The following PAK2 variants were observed in gnomAD, a reference collection of about 807,000 sequenced individuals.
PAK2 encodes the protein serine/threonine-protein kinase PAK 2.
PAK2 carries 21 observed loss-of-function variants against 65.9 expected under a neutral mutation model. That is an observed-to-expected ratio of 0.32 (90% CI 0.23 to 0.46). The LOEUF (loss-of-function observed/expected upper bound fraction) is 0.46, where lower values mean the gene tolerates loss of function less well. Ranked by LOEUF, PAK2 falls within the 20% of genes least tolerant of loss-of-function variation. PAK2 has a pLI of 1.00. For missense variants in PAK2, 324 were observed against 642.6 expected (o/e 0.50, Z 5.36); for synonymous variants, 204 against 219.7 (o/e 0.93, Z 0.63).
chr3:196,775,973 C>T (rs1409020480), intron 1 of PAK2, among the ~76,000 whole-genome samples: 1 of 152,150 alleles, frequency 6.6e-6, no homozygotes, highest in Non-Finnish European at 1.5e-5. Context: ...AAATATGAGT[C>T]TTCTGCCACC....
At position 196,813,245 on chromosome 3, in the gene PAK2, C is replaced by T. The variant is rs1715884427; in HGVS notation, c.935+394C>T. ...GACAAATTTATATGTCTATCAAAAC[C>T]TCATTTAGTTGAGGAATTAATGTTA... On this transcript the variant is annotated intron_variant, in intron 10 of 14. Coordinates refer to ENST00000327134, the MANE Select transcript of PAK2 (RefSeq NM_002577.4). Among the ~76,000 whole-genome samples, 2 of 151,882 alleles carry T rather than the reference C, an allele frequency of 1.3e-5. 1 individual carries two copies. Among genetic ancestry groups the T allele is most frequent in the Middle Eastern group, 6.3e-3 (2 of 316 alleles).
At chr3:196,748,980 C>G (rs1015444203) in intron 1 of PAK2, among the ~76,000 whole-genome samples, 14 of 152,078 alleles carry the variant, frequency 9.2e-5, no homozygotes, top group Admixed American at 4.6e-4. Context: ...TTTGGCTACT[C>G]TTATGTACCT....
At chr3:196,806,351 T>C (rs890797846) in intron 5 of PAK2, among the ~76,000 whole-genome samples, 2 of 152,190 alleles carry the variant, frequency 1.3e-5, no homozygotes, top group African/African-American at 4.8e-5. Context: ...TATTAAAATA[T>C]TTGGTACTCA....
At chr3:196,809,054 T>C (rs1715686861) in intron 7 of PAK2, among the ~76,000 whole-genome samples, 1 of 149,846 alleles carries the variant, frequency 6.7e-6, no homozygotes, top group South Asian at 2.1e-4. Flanking sequence ...CTATACAACT[T>C]AGACCCCGAC....
At chr3:196,766,928 C>T (rs1216706665) in intron 1 of PAK2, among the ~76,000 whole-genome samples, 1 of 104,602 alleles carries the variant, frequency 9.6e-6, no homozygotes, top group Non-Finnish European at 2.0e-5. Context: ...AACAAGTACA[C>T]CCCGTGTGTG....
chr3:196,750,003 T>TTTG (rs1324918758), intron 1 of PAK2, among the ~76,000 whole-genome samples: 1 of 151,586 alleles, frequency 6.6e-6, no homozygotes, highest in Non-Finnish European at 1.5e-5. Context: ...TTTTTTTTTT[T>TTTG]GAAACAGAGT....
intron 1 of PAK2, among the ~76,000 whole-genome samples, chr3:196,762,244 C>G (rs1714001859): frequency 9.1e-6 from 1 of 110,148 alleles, no homozygotes; most frequent in Non-Finnish European, 2.1e-5. Flanking sequence ...CTCCTCACAT[C>G]CCAGACGATG....
chr3:196,775,250 A>T (rs182159341), intron 1 of PAK2, among the ~76,000 whole-genome samples: 5 of 152,364 alleles, frequency 3.3e-5, no homozygotes, highest in Admixed American at 6.5e-5. Flanking sequence ...CTCATTCAGC[A>T]TGATAGTGTG....
intron 1 of PAK2, among the ~76,000 whole-genome samples, chr3:196,758,720 G>A (rs1713846431): frequency 1.3e-5 from 2 of 152,132 alleles, no homozygotes; most frequent in African/African-American, 2.4e-5. Context: ...ACCCTGGCAT[G>A]ATCTCAGCTC....
intron 1 of PAK2, among the ~76,000 whole-genome samples, chr3:196,743,113 C>G (rs1394815469): frequency 1.3e-5 from 2 of 152,034 alleles, no homozygotes; most frequent in African/African-American, 2.4e-5. Context: ...GAAAAAAATC[C>G]CTCATTGCCC....
intron 2 of PAK2, among the ~76,000 whole-genome samples, chr3:196,789,665 A>C (rs1405859344): frequency 1.3e-5 from 2 of 151,966 alleles, no homozygotes; most frequent in Non-Finnish European, 2.9e-5. Context: ...GGGTTTCACC[A>C]TGTTGACCAG....
chr3:196,825,550 G>C (rs935185346), intron 13 of PAK2, among the ~76,000 whole-genome samples: 1 of 151,554 alleles, frequency 6.6e-6, no homozygotes, highest in African/African-American at 2.4e-5. Flanking sequence ...GGCTGAGGCA[G>C]GAGAATCGCT....
intron 8 of PAK2, among the ~76,000 whole-genome samples, chr3:196,811,338 T>C (rs1366992461): frequency 3.3e-5 from 4 of 121,468 alleles, no homozygotes; most frequent in Admixed American, 8.8e-5. Flanking sequence ...CTTCCCTCCC[T>C]TCCCTCCCTT....
At chr3:196,810,209 A>T (rs1403418546) in intron 7 of PAK2, among the ~76,000 whole-genome samples, 1 of 151,892 alleles carries the variant, frequency 6.6e-6, no homozygotes, top group African/African-American at 2.4e-5. Context: ...AAATATGTCT[A>T]TTTTCTTGAG....
chr3:196,793,997 G>A (rs1715163180), intron 2 of PAK2, among the ~76,000 whole-genome samples: 1 of 152,024 alleles, frequency 6.6e-6, no homozygotes, highest in South Asian at 2.1e-4. Context: ...TGGGCTCGGT[G>A]GCGTACACCT....
intron 1 of PAK2, among the ~76,000 whole-genome samples, chr3:196,774,411 TG>T (rs1200867998): frequency 6.6e-6 from 1 of 152,210 alleles, no homozygotes; most frequent in African/African-American, 2.4e-5. Context: ...CGTGTGAATT[TG>T]TTTTCCTGTG....
At chr3:196,759,522 TTTTTTTTTTTTTTTTG>T (rs1713890370) in intron 1 of PAK2, among the ~76,000 whole-genome samples, 2 of 116,444 alleles carry the variant, frequency 1.7e-5, no homozygotes, top group South Asian at 2.8e-4. Flanking sequence ...TTTTTTTTTT[TTTTTTTTTTTTTTTTG>T]AGATAGAGTC....
chr3:196,831,997 A>C lies in PAK2; in HGVS notation c.*3592A>C, dbSNP rs568871287. The C allele has an allele frequency of 6.6e-6, 1 of 152,252 alleles. No homozygotes were observed. Among genetic ancestry groups the C allele is most frequent in the Admixed American group, 6.5e-5 (1 of 15,288 alleles). The allele number at this position is 152,252 out of a possible 1,614,324, so 9.4% of individuals were successfully genotyped here. A position where few individuals can be genotyped will look rare whatever the true frequency, so the allele number is the denominator to read the frequency against. ...TATATAAGAAAAAATAGATACACAC[A>C]TTCTTTTTTCTCAGTCAACACATTG... is the stretch of plus-strand genomic sequence containing the variant. On this transcript the variant is annotated 3_prime_UTR_variant, in exon 15 of 15. Coordinates refer to ENST00000327134, the MANE Select transcript of PAK2 (RefSeq NM_002577.4).
intron 10 of PAK2, 34 bp downstream of exon 10, chr3:196,812,885 A>C (rs752803741): frequency 2.1e-6 from 2 of 934,892 alleles, no homozygotes; most frequent in Admixed American, 4.0e-5. Flanking sequence ...ACCGGGAGAA[A>C]ATGTAGAAAT....
Sources: allele counts gnomAD v4.1 joint callset (sites outside exome capture counted in the v4.1 genomes callset), GRCh38; gene constraint gnomAD v4.1.1; transcripts MANE v1.5; gene names NCBI Gene and HGNC (gene_info 2026-07-23, HGNC 2026-07-21).